Variants in FAM24B observed in about 807,000 individuals in gnomAD.
FAM24B encodes protein FAM24B.
In FAM24B, 3 loss-of-function variants were observed where a neutral mutation model predicts 2.3. The ratio of observed to expected loss-of-function variants is 1.29; its 90% CI spans 0.59 to 3.32. FAM24B has a LOEUF of 3.32. FAM24B is among the 30% of genes most tolerant of loss of function. FAM24B has a pLI of 0.03. For missense variants in FAM24B, 98 were observed against 117.2 expected (o/e 0.84, Z 0.76); for synonymous variants, 36 against 46.3 (o/e 0.78, Z 0.90).
intron 2 of FAM24B, among the ~76,000 whole-genome samples, chr10:122,852,398 ATTTTG>A (rs933067825): frequency 6.6e-6 from 1 of 152,096 alleles, no homozygotes; most frequent in Non-Finnish European, 1.5e-5. Context: ...TGAGGGCCCA[ATTTTG>A]TTTTGTTTTG....
intron 1 of FAM24B, among the ~76,000 whole-genome samples, chr10:122,864,981 T>C (rs938529117): frequency 2.0e-5 from 3 of 152,354 alleles, no homozygotes; most frequent in Non-Finnish European, 2.9e-5. Flanking sequence ...GACATCTTAG[T>C]TGCTTCCAGC....
intron 1 of FAM24B, among the ~76,000 whole-genome samples, chr10:122,877,084 C>T (rs1473105196): frequency 6.6e-6 from 1 of 152,112 alleles, no homozygotes; most frequent in Non-Finnish European, 1.5e-5. Flanking sequence ...CAAAGATATG[C>T]CTTATTCTTT....
At chr10:122,864,428 G>A (rs1589673110) in intron 1 of FAM24B, among the ~76,000 whole-genome samples, 1 of 152,062 alleles carries the variant, frequency 6.6e-6, no homozygotes, top group Admixed American at 6.5e-5. Flanking sequence ...CTTTTCACAA[G>A]CAAAGGAAAA....
chr10:122,860,590 C>G (rs1847713303), intron 1 of FAM24B, among the ~76,000 whole-genome samples: 1 of 152,148 alleles, frequency 6.6e-6, no homozygotes. Context: ...AAAAAACTGC[C>G]AAACTGTTTT....
At chr10:122,872,834 T>A (rs1847918490) in intron 1 of FAM24B, among the ~76,000 whole-genome samples, 1 of 151,890 alleles carries the variant, frequency 6.6e-6, no homozygotes, top group Non-Finnish European at 1.5e-5. Context: ...ATACCTAATG[T>A]TAAATGACGA....
Position 122,872,345 on chromosome 10 carries a change from A to G in FAM24B, c.-178+7140T>C, listed in dbSNP as rs532118982. Among the ~76,000 whole-genome samples, 9 of 152,352 alleles carry G rather than the reference A, an allele frequency of 5.9e-5. No individual in the cohort carries two copies. The South Asian group carries it at 1.9e-3, about 32-fold the overall frequency. On this transcript the variant is annotated intron_variant, in intron 1 of 3. Coordinates refer to ENST00000368898, the MANE Select transcript of FAM24B (RefSeq NM_152644.3). Reference sequence around the variant, plus strand: ...ACTTTTACACTGTTGGTGGGACTGTAAACTAGTTCAACCATTGTGGAAGTC... The same window carrying G: ...ACTTTTACACTGTTGGTGGGACTGTGAACTAGTTCAACCATTGTGGAAGTC...
At chr10:122,864,444 G>A (rs1031890423) in intron 1 of FAM24B, among the ~76,000 whole-genome samples, 1 of 152,050 alleles carries the variant, frequency 6.6e-6, no homozygotes, top group African/African-American at 2.4e-5. Context: ...GAAAAATGAT[G>A]GATTTTTTGA....
At chr10:122,851,594 A>C (rs1566246918) in intron 2 of FAM24B, among the ~76,000 whole-genome samples, 1 of 152,232 alleles carries the variant, frequency 6.6e-6, no homozygotes, top group Non-Finnish European at 1.5e-5. Context: ...AAGCCATGGA[A>C]TACTCAATCT....
chr10:122,860,949 T>C (rs1418943335), intron 1 of FAM24B, among the ~76,000 whole-genome samples: 1 of 152,178 alleles, frequency 6.6e-6, no homozygotes, highest in African/African-American at 2.4e-5. Flanking sequence ...TTATGAAATA[T>C]GTGATTTGCA....
At chr10:122,871,245 C>A (rs1029266287) in intron 1 of FAM24B, among the ~76,000 whole-genome samples, 6 of 151,846 alleles carry the variant, frequency 4.0e-5, no homozygotes, top group African/African-American at 9.7e-5. Context: ...TGAAGGACCT[C>A]TTCAAGGAGA....
intron 1 of FAM24B, 136 bp from the exon 2 acceptor site, chr10:122,855,922 G>C (rs1483619473): frequency 6.6e-6 from 1 of 152,222 alleles, no homozygotes; most frequent in Non-Finnish European, 1.5e-5. Flanking sequence ...TTAAACACCC[G>C]ATAGTAAACT....
intron 1 of FAM24B, among the ~76,000 whole-genome samples, chr10:122,872,594 T>C (rs1847914654): frequency 6.6e-6 from 1 of 152,156 alleles, no homozygotes; most frequent in East Asian, 1.9e-4. Context: ...CACCATGGAA[T>C]ACTATGCAGC....
intron 1 of FAM24B, among the ~76,000 whole-genome samples, chr10:122,871,113 A>G (rs937370495): frequency 1.6e-4 from 24 of 152,178 alleles, no homozygotes; most frequent in Non-Finnish European, 1.3e-4. Context: ...TCAATGTACA[A>G]AAATCACAAG....
chr10:122,860,140 C>A (rs909494122), intron 1 of FAM24B, among the ~76,000 whole-genome samples: 1 of 152,042 alleles, frequency 6.6e-6, no homozygotes, highest in Non-Finnish European at 1.5e-5. Flanking sequence ...CACAACAATA[C>A]CATAAAGAAC....
intron 2 of FAM24B, among the ~76,000 whole-genome samples, chr10:122,853,809 A>T (rs990609135): frequency 1.3e-5 from 2 of 152,186 alleles, no homozygotes; most frequent in Non-Finnish European, 2.9e-5. Context: ...GTTCAGAGGG[A>T]TATAACCCTA....
chr10:122,861,912 AGACCTTCATAATCTGACCTACACG>A (rs370161017), intron 1 of FAM24B, among the ~76,000 whole-genome samples: 2,222 of 152,218 alleles, frequency 0.015, 50 homozygotes, highest in African/African-American at 0.045. Context: ...TGACCTACAC[AGACCTTCATAATCTGACCTACACG>A]GACCTTCATA....
intron 1 of FAM24B, among the ~76,000 whole-genome samples, chr10:122,869,462 C>T (rs1045157301): frequency 6.6e-5 from 10 of 152,288 alleles, no homozygotes; most frequent in African/African-American, 2.4e-4. Context: ...ACTCTCCACC[C>T]CAAATCAACA....
At chr10:122,858,201 C>T (rs565126230) in intron 1 of FAM24B, among the ~76,000 whole-genome samples, 1 of 152,186 alleles carries the variant, frequency 6.6e-6, no homozygotes, top group South Asian at 2.1e-4. Context: ...GGCACATATA[C>T]ACCATGGAAT....
At chr10:122,856,347 G>A (rs1847636771) in intron 1 of FAM24B, among the ~76,000 whole-genome samples, 1 of 152,090 alleles carries the variant, frequency 6.6e-6, no homozygotes, top group Non-Finnish European at 1.5e-5. Context: ...TCTATGAGGA[G>A]CTAAGCAGAC....
Sources: gnomAD v4.1 joint callset for allele counts (sites outside exome capture counted in the v4.1 genomes callset) on GRCh38, gnomAD v4.1.1 for gene constraint, MANE v1.5 for transcripts, NCBI Gene and HGNC (gene_info 2026-07-23, HGNC 2026-07-21) for gene names.